Variants in CCL4 observed in about 807,000 individuals in gnomAD.
CCL4 encodes the protein C-C motif chemokine 4.
Under a neutral mutation model 10.3 loss-of-function variants are expected in CCL4, and 8 were observed. That is an observed-to-expected ratio of 0.77 (90% CI 0.45 to 1.39). The LOEUF is 1.39. CCL4 is among the 40% of genes most tolerant of loss of function. The pLI is 0.00. For missense variants in CCL4, 106 were observed against 111.2 expected, an observed-to-expected ratio of 0.95 and a Z score of 0.21; for synonymous variants, 35 against 44.3, an observed-to-expected ratio of 0.79 and a Z score of 0.83.
Position 36,105,561 on chromosome 17 carries a change from G to A in CCL4, c.*249G>A. The A allele has an allele frequency of 1.7e-6, 1 of 583,108 alleles. No individual in the cohort carries two copies. The highest frequency in any genetic ancestry group is 1.9e-5 in the African/African-American group (1 of 53,606). The allele number at this position is 583,108 out of a possible 1,614,324, so 36.1% of individuals were successfully genotyped here. A position where few individuals can be genotyped will look rare whatever the true frequency, so the allele number is the denominator to read the frequency against. On this transcript the variant is annotated 3_prime_UTR_variant, in exon 3 of 3. Transcript: ENST00000615863. Reference sequence around the variant, plus strand: ...GTTTCTCTGCTGTTGCAAATACATGGATAACACATTTGATTCTGTGTGTTT... The same window carrying A: ...GTTTCTCTGCTGTTGCAAATACATGAATAACACATTTGATTCTGTGTGTTT...
intron 2 of CCL4, 79 bp from the exon 3 acceptor site, chr17:36,105,146 A>G (rs2067150764): frequency 7.0e-7 from 1 of 1,428,858 alleles, no homozygotes; most frequent in African/African-American, 1.4e-5. Context: ...ATGGTCAGGC[A>G]GAGGAAGATG....
rs1157225170 is a variant in CCL4 at position 36,105,212 on chromosome 17, C to T, written c.192-13C>T. 4 of 1,610,946 alleles carry T rather than the reference C, an allele frequency of 2.5e-6. No homozygotes were observed. The South Asian group carries it at 3.3e-5, about 13-fold the overall frequency. On this transcript the variant is annotated splice_polypyrimidine_tract_variant and intron_variant, in intron 2 of 2. Coordinates refer to ENST00000615863, the MANE Select transcript of CCL4 (RefSeq NM_002984.4). ...CTCATGAGATTCTAATCTGTCCGCT[C>T]CTTGTTCTACAGATTCCAAACCAAA...
At chr17:36,105,084 C>A (rs1274474863) in intron 2 of CCL4, 141 bp from the exon 3 acceptor site, 1 of 935,464 alleles carries the variant, frequency 1.1e-6, no homozygotes, top group African/African-American at 1.6e-5. Flanking sequence ...GAGTCTGCTT[C>A]CAGTGCTGCT....
At position 36,103,950 on chromosome 17, in the gene CCL4, T is replaced by C. The variant is rs2067139309; in HGVS notation, c.45T>C (p.Ala15=). Residue 15 remains alanine (A), a synonymous_variant, in exon 1 of 3, where the codon GCT becomes GCC. Coordinates refer to ENST00000615863, the MANE Select transcript of CCL4 (RefSeq NM_002984.4). The part of the protein sequence containing the change: ...VTVLSLLMLV[A]AFCSPALSAP... The stretch of plus-strand genomic sequence containing the variant: ...TCCTGTCTCTCCTCATGCTAGTAGC[T>C]GCCTTCTGCTCTCCAGCGCTCTCAG... The C allele has an allele frequency of 1.9e-6, 3 of 1,613,886 alleles. No homozygotes were observed. Among genetic ancestry groups the C allele is most frequent in the Non-Finnish European group, 2.5e-6 (3 of 1,179,870 alleles).
chr17:36,104,380 A>C lies in CCL4; in HGVS notation c.77-148A>C. On this transcript the variant is annotated intron_variant, in intron 1 of 2. Coordinates refer to ENST00000615863, the MANE Select transcript of CCL4 (RefSeq NM_002984.4). ...GTTCTTCTCTGAAGATCCACTATTC[A>C]AAATAAGACTCCTGCTCATGTTAGG... 5.3e-6 allele frequency: 5 copies of C among 942,784 alleles called. No individual in the cohort carries two copies. In the South Asian group the frequency reaches 7.0e-5, roughly 13 times the overall value. 58.4% of individuals were successfully genotyped at this position (942,784 alleles called of 1,614,324 possible).
chr17:36,103,993 T>C lies in CCL4; in HGVS notation c.76+12T>C, dbSNP rs994240286. On this transcript the variant is annotated intron_variant, in intron 1 of 2. Transcript: ENST00000615863. ...GCTCTCAGCACCAAGTAAGTCTACT[T>C]TTGCAGCTGCTATTTCGAGTCAAGG... The C allele has an allele frequency of 1.2e-6, 2 of 1,613,902 alleles. No individual in the cohort carries two copies. The highest frequency in any genetic ancestry group is 1.7e-6 in the Non-Finnish European group (2 of 1,179,848).
At chr17:36,104,153 G>A (rs192424125) in intron 1 of CCL4, 172 bp downstream of exon 1, 1 of 882,262 alleles carries the variant, frequency 1.1e-6, no homozygotes, top group South Asian at 1.3e-5. Context: ...TAACATTCAA[G>A]TTCCTATTTT....
chr17:36,105,190 A>C (rs755574910), intron 2 of CCL4, 35 bp from the exon 3 acceptor site: 1 of 1,596,204 alleles, frequency 6.3e-7, no homozygotes, highest in Admixed American at 1.7e-5. Context: ...CAAAGGTCTC[A>C]TGAGATTCTA....
intron 2 of CCL4, 139 bp downstream of exon 2, chr17:36,104,781 A>T (rs984694948): frequency 3.2e-5 from 35 of 1,092,424 alleles, no homozygotes; most frequent in African/African-American, 2.5e-4. Flanking sequence ...AGCAGTGAGG[A>T]CACAGGTCAT....
chr17:36,104,164 C>G lies in CCL4; in HGVS notation c.76+183C>G, dbSNP rs2067141343. 21 of 840,042 alleles carry G rather than the reference C, an allele frequency of 2.5e-5. No individual in the cohort carries two copies. The South Asian group carries it at 2.7e-4, about 11-fold the overall frequency. The allele number at this position is 840,042 out of a possible 1,614,324, so 52.0% of individuals were successfully genotyped here. A position where few individuals can be genotyped will look rare whatever the true frequency, so the allele number is the denominator to read the frequency against. On this transcript the variant is annotated intron_variant, in intron 1 of 2. Transcript: ENST00000615863. ...TCAATAACATTCAAGTTCCTATTTT[C>G]TTAAGAATTAGCAACCAGCAGAGGA...
At position 36,104,533 on chromosome 17, in the gene CCL4, T is replaced by C; in HGVS notation, c.82T>C (p.Ser28Pro). ...ACCCTGGCCTTTCCTTTCAGTGGGCTCAGACCCTCCCACCGCCTGCTGCTT... is the reference window on the plus strand; with the variant it reads ...ACCCTGGCCTTTCCTTTCAGTGGGCCCAGACCCTCCCACCGCCTGCTGCTT... Reference protein sequence around the residue: ...CSPALSAPMGSDPPTACCFSY... With the variant: ...CSPALSAPMGPDPPTACCFSY... The change falls in exon 2 of 3, where the codon TCA (serine) becomes CCA (proline). Residue 28 changes from serine (S) to proline (P), a missense_variant. Ser to Pro is a moderately conservative substitution (Grantham distance 74). Transcript: ENST00000615863. 6.2e-7 allele frequency: 1 copy of C among 1,611,796 alleles called. No homozygotes were observed. The highest frequency in any genetic ancestry group is 8.5e-7 in the Non-Finnish European group (1 of 1,179,766).
intron 2 of CCL4, 132 bp from the exon 3 acceptor site, chr17:36,105,093 C>G (rs1438110821): frequency 3.0e-6 from 3 of 989,936 alleles, no homozygotes; most frequent in Non-Finnish European, 4.9e-6. Flanking sequence ...TCCAGTGCTG[C>G]TCCAGGAAGG....
rs2067155402 is a variant in CCL4 at position 36,105,527 on chromosome 17, A to G, written c.*215A>G. 8.1e-6 allele frequency: 5 copies of G among 615,584 alleles called. No homozygotes were observed. Among genetic ancestry groups the G allele is most frequent in the Admixed American group, 2.9e-5 (1 of 34,110 alleles). The allele number at this position is 615,584 out of a possible 1,614,324, so 38.1% of individuals were successfully genotyped here. ...TAAGTGTCCCCTATGGGGATGGTCC[A>G]CTGTCACTGTTTCTCTGCTGTTGCA... is the stretch of plus-strand genomic sequence containing the variant. On this transcript the variant is annotated 3_prime_UTR_variant, in exon 3 of 3. Transcript: ENST00000615863.
At chr17:36,105,122 G>GC in intron 2 of CCL4, 103 bp from the exon 3 acceptor site, 1 of 1,224,108 alleles carries the variant, frequency 8.2e-7, no homozygotes. Context: ...CACCAGAGCT[G>GC]CCCCACATGG....
chr17:36,105,563 T>A lies in CCL4; in HGVS notation c.*251T>A, dbSNP rs2067155753. The A allele has an allele frequency of 1.7e-6, 1 of 583,100 alleles. No homozygotes were observed. The highest frequency in any genetic ancestry group is 3.1e-6 in the Non-Finnish European group (1 of 323,062). The allele number at this position is 583,100 out of a possible 1,614,324, so 36.1% of individuals were successfully genotyped here. ...TTCTCTGCTGTTGCAAATACATGGATAACACATTTGATTCTGTGTGTTTTC... is the reference window on the plus strand; with the variant it reads ...TTCTCTGCTGTTGCAAATACATGGAAAACACATTTGATTCTGTGTGTTTTC... On this transcript the variant is annotated 3_prime_UTR_variant, in exon 3 of 3. Coordinates refer to ENST00000615863, the MANE Select transcript of CCL4 (RefSeq NM_002984.4).
intron 2 of CCL4, 93 bp from the exon 3 acceptor site, chr17:36,105,132 G>A (rs1269909874): frequency 4.5e-6 from 6 of 1,343,750 alleles, no homozygotes; most frequent in African/African-American, 2.9e-5. Context: ...GCCCCACATG[G>A]ACCATGGTCA....
Position 36,103,832 on chromosome 17 carries a change from A to G in CCL4, c.-74A>G. On this transcript the variant is annotated 5_prime_UTR_variant, in exon 1 of 3. Coordinates refer to ENST00000615863, the MANE Select transcript of CCL4 (RefSeq NM_002984.4). ...GAGATTCCCAAGTCAGTATCAGCAC[A>G]GGACACAGCTGGGTTCTGAAGCTTC... The G allele has an allele frequency of 6.5e-7, 1 of 1,527,356 alleles. No individual in the cohort carries two copies. Among genetic ancestry groups the G allele is most frequent in the South Asian group, 1.1e-5 (1 of 89,174 alleles). The allele number at this position is 1,527,356 out of a possible 1,614,324, so 94.6% of individuals were successfully genotyped here.
At chr17:36,104,296 A>C in intron 1 of CCL4, 1 of 707,608 alleles carries the variant, frequency 1.4e-6, no homozygotes, top group Non-Finnish European at 2.6e-6. Context: ...CTGTCATATG[A>C]AGGGAGTGCG....
In CCL4 at chr17:36,103,871, C is replaced by T. The variant is rs2067138542; in HGVS notation, c.-35C>T. The stretch of plus-strand genomic sequence containing the variant: ...TTCTGAAGCTTCTGAGTTCTGCAGC[C>T]TCACCTCTGAGAAAACCTCTTTTCC... On this transcript the variant is annotated 5_prime_UTR_variant, in exon 1 of 3. Coordinates refer to ENST00000615863, the MANE Select transcript of CCL4 (RefSeq NM_002984.4). 2 of 1,611,932 alleles carry T rather than the reference C, an allele frequency of 1.2e-6. No individual in the cohort carries two copies. Among genetic ancestry groups the T allele is most frequent in the Non-Finnish European group, 8.5e-7 (1 of 1,178,010 alleles).
Sources: allele counts gnomAD v4.1 joint callset, GRCh38; gene constraint gnomAD v4.1.1; transcripts MANE v1.5; gene names NCBI Gene and HGNC (gene_info 2026-07-23, HGNC 2026-07-21).